Variants in ACTR3C observed in about 807,000 individuals in gnomAD.
ACTR3C encodes the protein actin related protein 3C.
A neutral mutation model predicts 26.3 loss-of-function variants in ACTR3C; 18 were observed. That is an observed-to-expected ratio of 0.68 (90% confidence interval 0.47 to 1.01). The LOEUF (loss-of-function observed/expected upper bound fraction) is 1.01. Ranked by LOEUF, ACTR3C falls within the 50% of genes least tolerant of loss-of-function variation. The pLI, the probability that ACTR3C is intolerant of heterozygous loss-of-function variation, is 0.00. For synonymous variants in ACTR3C, 55 were observed against 94.5 expected (o/e 0.58, Z 2.42); for missense variants, 184 against 250.7 (o/e 0.73, Z 1.80).
chr7:149,973,401 T>A, the ACTR3C span, among the ~76,000 whole-genome samples: 1 of 152,226 alleles, frequency 6.6e-6, no homozygotes, highest in African/African-American at 2.4e-5. Flanking sequence ...AGAAATGAGC[T>A]ATACCCCTAA....
At chr7:149,982,597 T>C in the ACTR3C span, among the ~76,000 whole-genome samples, 1 of 152,120 alleles carries the variant, frequency 6.6e-6, no homozygotes. Context: ...AGGGCCATGA[T>C]TCTGCCATGG....
the ACTR3C span, among the ~76,000 whole-genome samples, chr7:149,927,619 T>G: frequency 6.6e-6 from 1 of 151,332 alleles, no homozygotes; most frequent in East Asian, 1.9e-4. Context: ...TCCCAGCTAC[T>G]TGGGAGGCTG....
chr7:150,093,742 C>G, the ACTR3C span, among the ~76,000 whole-genome samples: 1 of 150,798 alleles, frequency 6.6e-6, no homozygotes, highest in Non-Finnish European at 1.5e-5. Context: ...AGCCCCCTTT[C>G]AAGGGGAGGT....
At chr7:150,319,051 T>G (rs948163735) in intron 1 of ACTR3C, among the ~76,000 whole-genome samples, 1 of 152,196 alleles carries the variant, frequency 6.6e-6, no homozygotes, top group Non-Finnish European at 1.5e-5. Context: ...GACAAAAATT[T>G]GGATTTAATC....
chr7:150,104,831 G>A, the ACTR3C span, among the ~76,000 whole-genome samples: 3 of 152,026 alleles, frequency 2.0e-5, no homozygotes, highest in Non-Finnish European at 4.4e-5. Context: ...ATGACTCCTT[G>A]GAGGAAGTGA....
chr7:150,160,275 A>G, the ACTR3C span, among the ~76,000 whole-genome samples: 36 of 152,150 alleles, frequency 2.4e-4, no homozygotes, highest in Admixed American at 2.4e-3. Context: ...CAGTTAAATC[A>G]TATTTAATAG....
the ACTR3C span, among the ~76,000 whole-genome samples, chr7:150,228,203 C>T: frequency 6.6e-6 from 1 of 152,168 alleles, no homozygotes; most frequent in Non-Finnish European, 1.5e-5. Context: ...TAGTTTTCTG[C>T]ACATAGTTCC....
the ACTR3C span, among the ~76,000 whole-genome samples, chr7:150,008,843 C>G: frequency 8.2e-4 from 124 of 151,376 alleles, 1 homozygote; most frequent in Middle Eastern, 3.4e-3. Flanking sequence ...GGGAGAGTTG[C>G]CTGAATTGCA....
chr7:150,090,319 A>G, the ACTR3C span, among the ~76,000 whole-genome samples: 7 of 152,368 alleles, frequency 4.6e-5, no homozygotes, highest in East Asian at 1.3e-3. Flanking sequence ...AACATGCCAG[A>G]GCCCTCTGGG....
chr7:150,042,760 G>A, the ACTR3C span, among the ~76,000 whole-genome samples: 5 of 151,118 alleles, frequency 3.3e-5, no homozygotes, highest in Non-Finnish European at 7.4e-5. Context: ...CCATCCTTTA[G>A]AAACCTGTCT....
chr7:150,011,743 G>A, the ACTR3C span, among the ~76,000 whole-genome samples: 5 of 152,022 alleles, frequency 3.3e-5, no homozygotes, highest in Non-Finnish European at 7.4e-5. Flanking sequence ...TCTGGGACTC[G>A]ACATAAACAA....
chr7:150,207,108 T>C, the ACTR3C span, among the ~76,000 whole-genome samples: 2 of 152,360 alleles, frequency 1.3e-5, no homozygotes, highest in South Asian at 4.1e-4. Context: ...ACAGTTATCA[T>C]GTGGGGAAGC....
intron 5 of ACTR3C, 49 bp downstream of exon 5, chr7:150,286,318 A>G (rs1457520377): frequency 6.3e-7 from 1 of 1,586,708 alleles, no homozygotes; most frequent in Non-Finnish European, 8.6e-7. Context: ...TCTGGGTGGC[A>G]GTATCGCTCC....
the ACTR3C span, among the ~76,000 whole-genome samples, chr7:149,930,471 CAGCTTTCAGTAGCAGTTCAGT>C: frequency 6.6e-6 from 1 of 152,136 alleles, no homozygotes; most frequent in Non-Finnish European, 1.5e-5. Flanking sequence ...TGTTCTCTTC[CAGCTTTCAGTAGCAGTTCAGT>C]AGCTTTCAGT....
chr7:150,047,208 T>C, the ACTR3C span, among the ~76,000 whole-genome samples: 1 of 151,610 alleles, frequency 6.6e-6, no homozygotes, highest in African/African-American at 2.4e-5. Flanking sequence ...CCTGAGGCTG[T>C]GTTCCCGGAG....
chr7:149,971,790 T>C, the ACTR3C span, among the ~76,000 whole-genome samples: 1 of 152,204 alleles, frequency 6.6e-6, no homozygotes, highest in African/African-American at 2.4e-5. Context: ...GCACTGCTCC[T>C]AGTGATATTT....
the ACTR3C span, among the ~76,000 whole-genome samples, chr7:150,057,999 G>A: frequency 6.6e-6 from 1 of 152,244 alleles, no homozygotes; most frequent in South Asian, 2.1e-4. Context: ...GGGCTGGAGA[G>A]CTCCACAAGT....
intron 6 of ACTR3C, among the ~76,000 whole-genome samples, chr7:150,263,511 T>C (rs1833809186): frequency 6.7e-6 from 1 of 148,902 alleles, no homozygotes; most frequent in Non-Finnish European, 1.5e-5. Flanking sequence ...AAGTCTCAAA[T>C]TAATCCCTTT....
the ACTR3C span, among the ~76,000 whole-genome samples, chr7:150,075,868 G>A: frequency 2.0e-5 from 3 of 152,126 alleles, no homozygotes; most frequent in Non-Finnish European, 4.4e-5. Flanking sequence ...GAGGAGAAAG[G>A]TGGCAGCATG....
Sources: allele counts gnomAD v4.1 joint callset (sites outside exome capture counted in the v4.1 genomes callset), GRCh38; gene constraint gnomAD v4.1.1; transcripts MANE v1.5; gene names NCBI Gene and HGNC (gene_info 2026-07-23, HGNC 2026-07-21).